APMAP: variants seen among roughly 807,000 people sequenced by gnomAD.
APMAP encodes adipocyte plasma membrane-associated protein.
APMAP carries 33 observed loss-of-function variants against 43.6 expected under a neutral mutation model. The ratio of observed to expected loss-of-function variants is 0.76; its 90% CI spans 0.57 to 1.01. The LOEUF (loss-of-function observed/expected upper bound fraction) is 1.01. Ranked by LOEUF, APMAP falls within the 50% of genes least tolerant of loss-of-function variation. The probability of loss-of-function intolerance (pLI) is 0.00; values close to 1 mark genes in which losing one functional copy is unlikely to be tolerated. For missense variants in APMAP, 498 were observed against 540.7 expected, an observed-to-expected ratio of 0.92 and a Z score of 0.78; for synonymous variants, 224 against 216.7, an observed-to-expected ratio of 1.03 and a Z score of -0.30.
chr20:24,975,325 T>C (rs769553312), intron 3 of APMAP, among the ~76,000 whole-genome samples: 23 of 152,166 alleles, frequency 1.5e-4, no homozygotes, highest in Non-Finnish European at 7.4e-5. Context: ...ACCAAGCAAT[T>C]ATAGCATGGT....
At chr20:24,991,863 TATTCTGAAAGATGGGAGA>T (rs1221216744) in intron 1 of APMAP, among the ~76,000 whole-genome samples, 1 of 152,242 alleles carries the variant, frequency 6.6e-6, no homozygotes, top group Non-Finnish European at 1.5e-5. Flanking sequence ...AGCATTCTTA[TATTCTGAAAGATGGGAGA>T]GGAGGCAAAG....
At position 24,985,772 on chromosome 20, in the gene APMAP, A is replaced by G. The variant is rs147949878; in HGVS notation, c.96-1753T>C. On this transcript the variant is annotated intron_variant, in intron 1 of 8. Coordinates refer to ENST00000217456, the MANE Select transcript of APMAP (RefSeq NM_020531.3). ...AGATTTCCTTGAACACATTAGTAAA[A>G]CTACGGATGTTAAAAGACTCTACTT... 7.1e-4 allele frequency among the ~76,000 whole-genome samples: 108 copies of G among 152,142 alleles called. No homozygotes were observed. In the East Asian group the frequency reaches 0.012, roughly 17 times the overall value.
intron 1 of APMAP, among the ~76,000 whole-genome samples, chr20:24,990,467 G>A (rs1318232846): frequency 6.6e-6 from 1 of 152,094 alleles, no homozygotes; most frequent in Non-Finnish European, 1.5e-5. Flanking sequence ...GCCAAGAGTT[G>A]GGAGACCACC....
chr20:24,985,840 A>C (rs984421496), intron 1 of APMAP, among the ~76,000 whole-genome samples: 8 of 151,708 alleles, frequency 5.3e-5, no homozygotes, highest in African/African-American at 1.9e-4. Context: ...AGGAAAAAAA[A>C]CCATTGCCTG....
intron 8 of APMAP, chr20:24,964,518 C>T (rs2087927358): frequency 2.2e-6 from 1 of 462,358 alleles, no homozygotes. Context: ...GACCACACAA[C>T]ATGGCTTCCA....
chr20:24,989,518 A>G (rs925877011), intron 1 of APMAP, among the ~76,000 whole-genome samples: 12 of 152,194 alleles, frequency 7.9e-5, no homozygotes, highest in African/African-American at 2.7e-4. Context: ...GCAGACTCCA[A>G]GAGATCAAAA....
chr20:24,963,788 T>C lies in APMAP; in HGVS notation c.*25A>G, dbSNP rs752517715. 6.2e-7 allele frequency: 1 copy of C among 1,610,480 alleles called. No homozygotes were observed. The highest frequency in any genetic ancestry group is 2.2e-5 in the East Asian group (1 of 44,816). ...TGAGTGTGAAGACTCCTGGCCTGCGTGGCAGGGGCAGCTATCTGGGAGGGC... is the reference window on the plus strand; with the variant it reads ...TGAGTGTGAAGACTCCTGGCCTGCGCGGCAGGGGCAGCTATCTGGGAGGGC... On this transcript the variant is annotated 3_prime_UTR_variant, in exon 9 of 9. Coordinates refer to ENST00000217456, the MANE Select transcript of APMAP (RefSeq NM_020531.3).
Position 24,969,458 on chromosome 20 carries a change from T to C in APMAP, c.848+68A>G, listed in dbSNP as rs947407062. 4 of 1,538,774 alleles carry C rather than the reference T, an allele frequency of 2.6e-6. No homozygotes were observed. In the Admixed American group the frequency reaches 7.8e-5, roughly 30 times the overall value. On this transcript the variant is annotated intron_variant, in intron 7 of 8. Coordinates refer to ENST00000217456, the MANE Select transcript of APMAP (RefSeq NM_020531.3). ...CTGATTTCTGTCGATCCCATTTCCA[T>C]GCCCACCCCACCCCGGCCATGATGC... is the stretch of plus-strand genomic sequence containing the variant.
chr20:24,975,102 CCTG>C (rs1354429776), intron 3 of APMAP, among the ~76,000 whole-genome samples: 3 of 152,124 alleles, frequency 2.0e-5, no homozygotes, highest in African/African-American at 7.2e-5. Context: ...TAGAAGCTTT[CCTG>C]CTAAGATCAA....
At chr20:24,977,555 C>T (rs1027614153) in intron 3 of APMAP, among the ~76,000 whole-genome samples, 20 of 152,152 alleles carry the variant, frequency 1.3e-4, no homozygotes, top group African/African-American at 2.2e-4. Flanking sequence ...CAGGTCCCTG[C>T]GGCTCACACC....
chr20:24,985,277 G>A (rs2088137957), intron 1 of APMAP, among the ~76,000 whole-genome samples: 1 of 152,158 alleles, frequency 6.6e-6, no homozygotes, highest in Admixed American at 6.5e-5. Context: ...AAGCAGAAAA[G>A]AAAAGAAATC....
chr20:24,991,340 G>C (rs1394081331), intron 1 of APMAP, among the ~76,000 whole-genome samples: 1 of 152,216 alleles, frequency 6.6e-6, no homozygotes, highest in Non-Finnish European at 1.5e-5. Flanking sequence ...TAAGTAGGGT[G>C]ATCAGATTGT....
At chr20:24,967,736 G>A (rs1421180833) in intron 8 of APMAP, among the ~76,000 whole-genome samples, 3 of 152,128 alleles carry the variant, frequency 2.0e-5, no homozygotes, top group Non-Finnish European at 2.9e-5. Flanking sequence ...CCAAGTCCCC[G>A]GCCCAGGATC....
intron 3 of APMAP, among the ~76,000 whole-genome samples, chr20:24,977,807 C>A (rs2088063208): frequency 6.6e-6 from 1 of 152,164 alleles, no homozygotes; most frequent in Non-Finnish European, 1.5e-5. Flanking sequence ...TTAAAATTTA[C>A]ACAAATAAAT....
At chr20:24,980,606 G>A (rs116200306) in intron 2 of APMAP, among the ~76,000 whole-genome samples, 1,684 of 150,798 alleles carry the variant, frequency 0.011, 29 homozygotes, top group African/African-American at 0.036. Context: ...TCTACGCGCC[G>A]GGCAGTGCAG....
At chr20:24,968,830 CA>C in intron 8 of APMAP, 61 bp downstream of exon 8, 10 of 1,493,844 alleles carry the variant, frequency 6.7e-6, no homozygotes, top group Admixed American at 4.2e-5. Flanking sequence ...CTATAAGGGT[CA>C]AAAAAATATG....
At chr20:24,992,527 G>C in intron 1 of APMAP, 67 bp downstream of exon 1, 1 of 1,349,874 alleles carries the variant, frequency 7.4e-7, no homozygotes, top group Non-Finnish European at 9.8e-7. Flanking sequence ...CGTCGCCGCT[G>C]TCCAAGAGGG....
chr20:24,978,714 CTCAGACAACAGACA>C, intron 3 of APMAP, 39 bp downstream of exon 3: 1 of 1,235,608 alleles, frequency 8.1e-7, no homozygotes. Flanking sequence ...AACCCGCCCC[CTCAGACAACAGACA>C]GCCTGGAAGG....
At chr20:24,984,097 C>T (rs1293098584) in intron 1 of APMAP, 78 bp from the exon 2 acceptor site, 16 of 1,176,410 alleles carry the variant, frequency 1.4e-5, no homozygotes, top group Non-Finnish European at 2.0e-5. Flanking sequence ...AAAGCCCTCC[C>T]GGCAGGAGCA....
Sources: allele counts gnomAD v4.1 joint callset (sites outside exome capture counted in the v4.1 genomes callset), GRCh38; gene constraint gnomAD v4.1.1; transcripts MANE v1.5; gene names NCBI Gene and HGNC (gene_info 2026-07-23, HGNC 2026-07-21).